DRC11: variants seen among roughly 807,000 people sequenced by gnomAD.
DRC11 encodes IQ and AAA domain-containing protein 1.
At chr2:236,435,069 G>T in the DRC11 span, among the ~76,000 whole-genome samples, 2 of 152,216 alleles carry the variant, frequency 1.3e-5, no homozygotes, top group African/African-American at 4.8e-5. Flanking sequence ...TTCTGATGGA[G>T]AAGTGAAGAA....
chr2:236,459,240 C>T, the DRC11 span, among the ~76,000 whole-genome samples: 1 of 152,006 alleles, frequency 6.6e-6, no homozygotes, highest in Non-Finnish European at 1.5e-5. Flanking sequence ...GATTATTTAA[C>T]CTCCCTATTA....
At chr2:236,395,388 A>G in the DRC11 span, among the ~76,000 whole-genome samples, 1 of 152,194 alleles carries the variant, frequency 6.6e-6, no homozygotes. Context: ...TATAGAAAAC[A>G]AGCATTGCAT....
the DRC11 span, chr2:236,408,435 C>T: frequency 1.4e-6 from 1 of 740,560 alleles, no homozygotes; most frequent in Middle Eastern, 3.9e-4. The surrounding 1 kb of genome is among the most constrained non-coding windows in gnomAD (Gnocchi z 5.5). Context: ...TCATCTCATC[C>T]TGCCCAAACA....
At chr2:236,419,240 TC>T in the DRC11 span, 1 of 1,543,372 alleles carries the variant, frequency 6.5e-7, no homozygotes, top group South Asian at 1.2e-5. The surrounding 1 kb of genome is among the most constrained non-coding windows in gnomAD (Gnocchi z 4.8). Flanking sequence ...TTTTTCTTCT[TC>T]CTCTTGGTTT....
chr2:236,463,836 C>G, the DRC11 span, among the ~76,000 whole-genome samples: 1 of 152,202 alleles, frequency 6.6e-6, no homozygotes, highest in African/African-American at 2.4e-5. The surrounding 1 kb of genome is among the most constrained non-coding windows in gnomAD (Gnocchi z 5.0). Context: ...AGGTCTCTCA[C>G]AAGGCTGCCA....
chr2:236,399,597 G>A, the DRC11 span: 1 of 856,326 alleles, frequency 1.2e-6, no homozygotes, highest in Non-Finnish European at 1.9e-6. The surrounding 1 kb of genome is among the most constrained non-coding windows in gnomAD (Gnocchi z 7.0). Flanking sequence ...CCCAGTCCTG[G>A]TCCCCCTGGG....
the DRC11 span, among the ~76,000 whole-genome samples, chr2:236,372,782 ATT>A: frequency 6.6e-6 from 1 of 151,714 alleles, no homozygotes; most frequent in East Asian, 1.9e-4. This position sits in a 1 kb window ranked among gnomAD's most constrained non-coding sequence, Gnocchi z 4.5. Flanking sequence ...GCTACTTTTT[ATT>A]TTTTATTTTG....
At chr2:236,337,149 C>G in the DRC11 span, among the ~76,000 whole-genome samples, 1 of 151,862 alleles carries the variant, frequency 6.6e-6, no homozygotes, top group East Asian at 1.9e-4. The surrounding 1 kb of genome is among the most constrained non-coding windows in gnomAD (Gnocchi z 4.9). Flanking sequence ...AGTCTCCAGA[C>G]GAAGGAGACT....
At chr2:236,407,429 T>C in the DRC11 span, among the ~76,000 whole-genome samples, 4 of 152,200 alleles carry the variant, frequency 2.6e-5, no homozygotes, top group Non-Finnish European at 5.9e-5. Flanking sequence ...CTCAGCTCTC[T>C]GGCTTTTGAA....
At chr2:236,423,431 C>G in the DRC11 span, among the ~76,000 whole-genome samples, 10 of 152,118 alleles carry the variant, frequency 6.6e-5, no homozygotes, top group Non-Finnish European at 1.3e-4. Context: ...ATTTATGCAG[C>G]CAAACGACAC....
At chr2:236,335,678 A>C in the DRC11 span, among the ~76,000 whole-genome samples, 1 of 152,256 alleles carries the variant, frequency 6.6e-6, no homozygotes, top group Non-Finnish European at 1.5e-5. This position sits in a 1 kb window ranked among gnomAD's most constrained non-coding sequence, Gnocchi z 5.6. Flanking sequence ...TCCAGAGTCC[A>C]GAATAATGCT....
chr2:236,318,594 CAT>C, the DRC11 span, among the ~76,000 whole-genome samples: 24 of 150,250 alleles, frequency 1.6e-4, no homozygotes, highest in South Asian at 1.7e-3. The surrounding 1 kb of genome is among the most constrained non-coding windows in gnomAD (Gnocchi z 7.0). Flanking sequence ...TACATGTACA[CAT>C]GTGTATGTAT....
At chr2:236,357,376 A>C in the DRC11 span, among the ~76,000 whole-genome samples, 1 of 105,094 alleles carries the variant, frequency 9.5e-6, no homozygotes, top group African/African-American at 4.6e-5. Flanking sequence ...AAATATATTT[A>C]TATAGTATAG....
the DRC11 span, among the ~76,000 whole-genome samples, chr2:236,357,945 A>C: frequency 3.5e-5 from 4 of 114,362 alleles, no homozygotes; most frequent in Admixed American, 1.0e-4. Flanking sequence ...TGAATATATA[A>C]TATATAAATA....
chr2:236,459,578 TAC>T, the DRC11 span, among the ~76,000 whole-genome samples: 45 of 145,516 alleles, frequency 3.1e-4, no homozygotes, highest in African/African-American at 1.1e-3. Flanking sequence ...TGTGTATACA[TAC>T]GTATATACGT....
chr2:236,496,372 A>G, the DRC11 span, among the ~76,000 whole-genome samples: 2 of 152,226 alleles, frequency 1.3e-5, no homozygotes, highest in East Asian at 1.9e-4. This position sits in a 1 kb window ranked among gnomAD's most constrained non-coding sequence, Gnocchi z 6.3. Context: ...CATGTAGAAA[A>G]TTAAAGACTT....
the DRC11 span, among the ~76,000 whole-genome samples, chr2:236,375,594 C>T: frequency 5.0e-4 from 76 of 152,136 alleles, no homozygotes; most frequent in African/African-American, 1.8e-3. The surrounding 1 kb of genome is among the most constrained non-coding windows in gnomAD (Gnocchi z 4.2). Flanking sequence ...AATGTGAGGG[C>T]TCCTTTAAGC....
the DRC11 span, among the ~76,000 whole-genome samples, chr2:236,465,277 T>C: frequency 6.6e-6 from 1 of 152,190 alleles, no homozygotes; most frequent in Non-Finnish European, 1.5e-5. This position sits in a 1 kb window ranked among gnomAD's most constrained non-coding sequence, Gnocchi z 6.2. Context: ...GGCTATGTCA[T>C]GCACCCATTA....
At chr2:236,388,608 T>G in the DRC11 span, among the ~76,000 whole-genome samples, 1 of 147,854 alleles carries the variant, frequency 6.8e-6, no homozygotes, top group South Asian at 2.2e-4. Flanking sequence ...TTGGTTTGAA[T>G]GTCCTCCCGT....
Sources: allele counts gnomAD v4.1 joint callset (sites outside exome capture counted in the v4.1 genomes callset), GRCh38; gene constraint gnomAD v4.1.1; non-coding constraint Gnocchi (gnomAD v3.1); transcripts MANE v1.5; gene names NCBI Gene and HGNC (gene_info 2026-07-23, HGNC 2026-07-21).